PTPN2: variants seen among roughly 807,000 people sequenced by gnomAD.
PTPN2 encodes the protein tyrosine-protein phosphatase non-receptor type 2.
Under a neutral mutation model 57.3 loss-of-function variants are expected in PTPN2, and 19 were observed. The ratio of observed to expected loss-of-function variants is 0.33; its 90% CI spans 0.23 to 0.49. The LOEUF (loss-of-function observed/expected upper bound fraction) is 0.49, where lower values mean the gene tolerates loss of function less well. Ranked by LOEUF, PTPN2 falls within the 20% of genes least tolerant of loss-of-function variation. PTPN2 has a pLI of 0.99. For missense variants in PTPN2, 358 were observed against 501.1 expected, an observed-to-expected ratio of 0.71 and a Z score of 2.73; for synonymous variants, 153 against 164.9, an observed-to-expected ratio of 0.93 and a Z score of 0.55.
At chr18:12,882,178 A>C (rs1456858991) in intron 1 of PTPN2, among the ~76,000 whole-genome samples, 1 of 152,130 alleles carries the variant, frequency 6.6e-6, no homozygotes, top group Non-Finnish European at 1.5e-5. Flanking sequence ...TCCATTACTA[A>C]CTTTCTTGGT....
At chr18:12,828,457 A>G (rs1033365587) in intron 4 of PTPN2, among the ~76,000 whole-genome samples, 1 of 152,222 alleles carries the variant, frequency 6.6e-6, no homozygotes, top group Non-Finnish European at 1.5e-5. Context: ...CATTTTCAGT[A>G]ATTATTTTGG....
At position 12,832,283 on chromosome 18, in the gene PTPN2, A is replaced by C. The variant is rs112883402; in HGVS notation, c.262-1242T>G. 5.4e-3 allele frequency among the ~76,000 whole-genome samples: 827 copies of C among 152,124 alleles called. 6 individuals are homozygous for C. The highest frequency in any genetic ancestry group is 0.018 in the African/African-American group (756 of 41,478). ...AGGCACCCGCCACCACACCTGGCTA[A>C]ATTTTGGATTTTTAGTAGAGACAGG... On this transcript the variant is annotated intron_variant, in intron 3 of 8. Transcript: ENST00000309660.
chr18:12,867,615 G>A (rs780673564), intron 1 of PTPN2, among the ~76,000 whole-genome samples: 6 of 145,056 alleles, frequency 4.1e-5, no homozygotes, highest in African/African-American at 7.4e-5. Flanking sequence ...CTTCCTTGTC[G>A]CTTAATAGAG....
In PTPN2 at chr18:12,864,645, G is replaced by A. The variant is rs1380882457; in HGVS notation, c.70-5391C>T. Among the ~76,000 whole-genome samples the A allele has an allele frequency of 7.9e-5, 12 of 152,134 alleles. 1 individual carries two copies. Among genetic ancestry groups the A allele is most frequent in the African/African-American group, 1.2e-4 (5 of 41,492 alleles). On this transcript the variant is annotated intron_variant, in intron 1 of 8. Transcript: ENST00000309660. ...GATCTCCTGACCTCGTGATCTGCCCGCCTCAGCCTCCCAAAGTGCTGGGAT... is the reference window on the plus strand; with the variant it reads ...GATCTCCTGACCTCGTGATCTGCCCACCTCAGCCTCCCAAAGTGCTGGGAT...
At chr18:12,874,584 T>G (rs1487064248) in intron 1 of PTPN2, among the ~76,000 whole-genome samples, 11 of 79,218 alleles carry the variant, frequency 1.4e-4, no homozygotes, top group Admixed American at 4.2e-4. Context: ...GGGAGGGAGG[T>G]GGGGGGTTCA....
intron 7 of PTPN2, among the ~76,000 whole-genome samples, chr18:12,807,586 A>ATATATATATATATATATATATATAT (rs1555660749): frequency 2.8e-5 from 1 of 35,194 alleles, no homozygotes; most frequent in Non-Finnish European, 6.1e-5. Context: ...AAAAAAAAAA[A>ATATATATATATATATATATATATAT]ATATATATAT....
At chr18:12,877,587 T>G (rs528441450) in intron 1 of PTPN2, among the ~76,000 whole-genome samples, 1 of 152,344 alleles carries the variant, frequency 6.6e-6, no homozygotes, top group South Asian at 2.1e-4. Context: ...TTGATTCACC[T>G]GCCTAACTGG....
At chr18:12,817,106 T>TA (rs774651439) in intron 6 of PTPN2, 50 bp downstream of exon 6, 117 of 1,533,794 alleles carry the variant, frequency 7.6e-5, no homozygotes, top group Non-Finnish European at 9.1e-5. Flanking sequence ...TGGAAGCAAT[T>TA]TAAAAAAAAA....
At chr18:12,806,885 C>A (rs1394055880) in intron 7 of PTPN2, among the ~76,000 whole-genome samples, 1 of 152,028 alleles carries the variant, frequency 6.6e-6, no homozygotes, top group Non-Finnish European at 1.5e-5. Flanking sequence ...TTGGTCTGGG[C>A]AAGGGAAGGG....
chr18:12,875,525 T>TC (rs11398183), intron 1 of PTPN2, among the ~76,000 whole-genome samples: 40,135 of 151,992 alleles, frequency 0.26, 7,318 homozygotes, highest in African/African-American at 0.52. Flanking sequence ...TATTAAAAGT[T>TC]CAGTTTATTA....
chr18:12,794,604 C>T, intron 8 of PTPN2, 119 bp from the exon 9 acceptor site: 1 of 1,234,580 alleles, frequency 8.1e-7, no homozygotes, highest in Non-Finnish European at 1.1e-6. Context: ...TATTTGAACA[C>T]TGGAATAATG....
intron 2 of PTPN2, among the ~76,000 whole-genome samples, chr18:12,850,796 G>A (rs1195204587): frequency 2.0e-5 from 3 of 151,910 alleles, no homozygotes; most frequent in Non-Finnish European, 4.4e-5. Flanking sequence ...CTGGAGTGCA[G>A]TGGCACAATC....
intron 1 of PTPN2, among the ~76,000 whole-genome samples, chr18:12,865,428 C>CT (rs1240114080): frequency 6.8e-6 from 1 of 146,410 alleles, no homozygotes; most frequent in African/African-American, 2.6e-5. Context: ...GAGCAAGACT[C>CT]TGTCTTTATT....
chr18:12,849,980 G>A (rs1490506547), intron 2 of PTPN2, among the ~76,000 whole-genome samples: 1 of 151,942 alleles, frequency 6.6e-6, no homozygotes, highest in Non-Finnish European at 1.5e-5. Flanking sequence ...TTGTTTATAT[G>A]CACCTTCTTT....
chr18:12,801,948 C>A (rs2041445137), intron 8 of PTPN2, 22 bp downstream of exon 8: 1 of 1,552,926 alleles, frequency 6.4e-7, no homozygotes, highest in Non-Finnish European at 8.7e-7. Flanking sequence ...CATCTTTCAG[C>A]CTGTAGTTAT....
intron 5 of PTPN2, among the ~76,000 whole-genome samples, chr18:12,824,931 A>AT (rs1568116556): frequency 6.6e-6 from 1 of 151,916 alleles, no homozygotes; most frequent in African/African-American, 2.4e-5. Flanking sequence ...ATTAAAAAAA[A>AT]ATAAGAAAAT....
In PTPN2 at chr18:12,802,159, G is replaced by T. The variant is rs1289855765; in HGVS notation, c.859-8C>A. 2 of 1,570,670 alleles carry T rather than the reference G, an allele frequency of 1.3e-6. No individual in the cohort carries two copies. Among genetic ancestry groups the T allele is most frequent in the East Asian group, 4.6e-5 (2 of 43,656 alleles). ...AAGTTCTTTCCATCGTTTCTAGGTAGGGAAGAGAAATGAAAAACAAATGCA... is the reference window on the plus strand; with the variant it reads ...AAGTTCTTTCCATCGTTTCTAGGTATGGAAGAGAAATGAAAAACAAATGCA... On this transcript the variant is annotated splice_polypyrimidine_tract_variant and splice_region_variant and intron_variant, in intron 7 of 8. Coordinates refer to ENST00000309660, the MANE Select transcript of PTPN2 (RefSeq NM_002828.4).
chr18:12,847,195 A>G (rs1294356202), intron 2 of PTPN2, among the ~76,000 whole-genome samples: 2 of 152,244 alleles, frequency 1.3e-5, no homozygotes, highest in East Asian at 1.9e-4. Context: ...GCAACCCTCT[A>G]TAATTCATTC....
intron 1 of PTPN2, among the ~76,000 whole-genome samples, chr18:12,875,843 T>C (rs908426092): frequency 6.6e-6 from 1 of 152,188 alleles, no homozygotes; most frequent in African/African-American, 2.4e-5. Flanking sequence ...AGCAGGGGAC[T>C]GAGAGAGCTG....
Sources: allele counts gnomAD v4.1 joint callset (sites outside exome capture counted in the v4.1 genomes callset), GRCh38; gene constraint gnomAD v4.1.1; transcripts MANE v1.5; gene names NCBI Gene and HGNC (gene_info 2026-07-23, HGNC 2026-07-21).